LDB2: variants seen among roughly 807,000 people sequenced by gnomAD.
LDB2 encodes LIM domain-binding protein 2.
In LDB2, 12 loss-of-function variants were observed where a neutral mutation model predicts 44.3. That is an observed-to-expected ratio of 0.27 (90% CI 0.17 to 0.44). The LOEUF is 0.44. LDB2 is among the 20% of genes least tolerant of loss of function. The pLI, the probability that LDB2 is intolerant of heterozygous loss-of-function variation, is 1.00. For synonymous variants in LDB2, 164 were observed against 174.8 expected (o/e 0.94, Z 0.49); for missense variants, 344 against 473.5 (o/e 0.73, Z 2.54).
intron 2 of LDB2, among the ~76,000 whole-genome samples, chr4:16,636,122 G>A (rs1733529710): frequency 6.6e-6 from 1 of 152,186 alleles, no homozygotes; most frequent in Non-Finnish European, 1.5e-5. Context: ...TAAAGACCCA[G>A]TTGAGTTACA....
chr4:16,802,859 G>C (rs1778108275), intron 1 of LDB2, among the ~76,000 whole-genome samples: 1 of 152,116 alleles, frequency 6.6e-6, no homozygotes, highest in Non-Finnish European at 1.5e-5. Flanking sequence ...ATTAATTTCA[G>C]ACCAAGTTTT....
chr4:16,532,004 C>A (rs1489682371), intron 5 of LDB2, among the ~76,000 whole-genome samples: 1 of 145,350 alleles, frequency 6.9e-6, no homozygotes, highest in Admixed American at 7.2e-5. Context: ...AAGGCTTTTT[C>A]TGAGGTTTCA....
chr4:16,633,841 C>T (rs1268150645), intron 2 of LDB2, among the ~76,000 whole-genome samples: 9 of 152,216 alleles, frequency 5.9e-5, no homozygotes, highest in African/African-American at 2.2e-4. Flanking sequence ...CCGGAGGCAT[C>T]ATGCTACCTG....
chr4:16,551,529 T>C (rs1737667661), intron 5 of LDB2, among the ~76,000 whole-genome samples: 1 of 152,180 alleles, frequency 6.6e-6, no homozygotes, highest in Admixed American at 6.5e-5. Flanking sequence ...TTTATTTATT[T>C]ATTTTTGAGA....
At chr4:16,621,727 A>C (rs1034237781) in intron 2 of LDB2, among the ~76,000 whole-genome samples, 2 of 151,866 alleles carry the variant, frequency 1.3e-5, no homozygotes, top group Admixed American at 6.6e-5. Context: ...AATTTCTTTT[A>C]TTTTTATTTT....
At chr4:16,659,689 A>ATATATATATATATATATATATATGTATG (rs1310756163) in intron 2 of LDB2, among the ~76,000 whole-genome samples, 6 of 140,592 alleles carry the variant, frequency 4.3e-5, no homozygotes, top group South Asian at 2.4e-4. Context: ...ATATATATAT[A>ATATATATATATATATATATATATGTATG]TATGTATGTA....
At chr4:16,628,074 A>G (rs1730801296) in intron 2 of LDB2, among the ~76,000 whole-genome samples, 1 of 152,176 alleles carries the variant, frequency 6.6e-6, no homozygotes, top group Admixed American at 6.5e-5. Flanking sequence ...GATGTCCCCA[A>G]GTTCAACATA....
intron 2 of LDB2, among the ~76,000 whole-genome samples, chr4:16,640,571 T>C (rs951280589): frequency 1.3e-5 from 2 of 152,320 alleles, no homozygotes; most frequent in African/African-American, 4.8e-5. Context: ...TGTGACCATT[T>C]ACTACCAGCC....
chr4:16,848,826 A>G (rs925944155), intron 1 of LDB2, among the ~76,000 whole-genome samples: 3 of 152,126 alleles, frequency 2.0e-5, no homozygotes, highest in African/African-American at 7.2e-5. Context: ...CACGGCCACC[A>G]TCCTGGCCCA....
At chr4:16,525,682 G>A (rs747811657) in intron 5 of LDB2, among the ~76,000 whole-genome samples, 14 of 152,128 alleles carry the variant, frequency 9.2e-5, no homozygotes, top group South Asian at 2.1e-4. Flanking sequence ...GCTCTTAAGG[G>A]AACTGCATTT....
At chr4:16,712,179 G>A (rs988916841) in intron 2 of LDB2, among the ~76,000 whole-genome samples, 1 of 152,162 alleles carries the variant, frequency 6.6e-6, no homozygotes, top group African/African-American at 2.4e-5. Context: ...TAAGGGAATT[G>A]TATCCAGAAT....
chr4:16,875,777 G>C (rs1184675782), intron 1 of LDB2, among the ~76,000 whole-genome samples: 1 of 152,134 alleles, frequency 6.6e-6, no homozygotes, highest in Non-Finnish European at 1.5e-5. Context: ...CCAGCCAAAG[G>C]CATGGTATAA....
chr4:16,785,294 A>G (rs1774184354), intron 1 of LDB2, among the ~76,000 whole-genome samples: 1 of 152,136 alleles, frequency 6.6e-6, no homozygotes, highest in Middle Eastern at 3.2e-3. Context: ...GCAGAGACTG[A>G]AGCAGGCACC....
chr4:16,560,333 G>GA (rs938578300), intron 5 of LDB2, among the ~76,000 whole-genome samples: 10 of 151,674 alleles, frequency 6.6e-5, no homozygotes, highest in African/African-American at 1.9e-4. Flanking sequence ...GACTAATAAA[G>GA]AAAAAAAGAC....
chr4:16,856,571 T>C (rs1157794063), intron 1 of LDB2, among the ~76,000 whole-genome samples: 3 of 152,174 alleles, frequency 2.0e-5, no homozygotes. Flanking sequence ...ATAGCATCCA[T>C]AGAGGGTATG....
intron 5 of LDB2, among the ~76,000 whole-genome samples, chr4:16,529,212 C>T (rs974945982): frequency 2.6e-5 from 4 of 152,110 alleles, no homozygotes; most frequent in Non-Finnish European, 5.9e-5. Flanking sequence ...GATTTGTCCT[C>T]CTTGAACTTG....
intron 5 of LDB2, among the ~76,000 whole-genome samples, chr4:16,576,881 G>A (rs113395208): frequency 2.4e-4 from 37 of 152,198 alleles, no homozygotes; most frequent in African/African-American, 8.4e-4. Context: ...AAGATCATTT[G>A]TCATGACCAA....
chr4:16,692,407 G>A (rs531105863), intron 2 of LDB2, among the ~76,000 whole-genome samples: 1 of 152,266 alleles, frequency 6.6e-6, no homozygotes, highest in East Asian at 1.9e-4. Context: ...CCTTAGGGAT[G>A]TATCTAGTCT....
chr4:16,726,102 T>G (rs985979806), intron 2 of LDB2, among the ~76,000 whole-genome samples: 28 of 151,926 alleles, frequency 1.8e-4, no homozygotes, highest in African/African-American at 6.8e-4. Context: ...AATACTTTTA[T>G]CTTAAACAGA....
Sources: gnomAD v4.1 joint callset for allele counts (sites outside exome capture counted in the v4.1 genomes callset) on GRCh38, gnomAD v4.1.1 for gene constraint, MANE v1.5 for transcripts, NCBI Gene and HGNC (gene_info 2026-07-23, HGNC 2026-07-21) for gene names.